Variants in PPM1D observed in about 807,000 individuals in gnomAD.
PPM1D encodes the protein protein phosphatase, Mg2+/Mn2+ dependent 1D.
Under a neutral mutation model 58.3 loss-of-function variants are expected in PPM1D, and 52 were observed. The ratio of observed to expected loss-of-function variants is 0.89; its 90% CI spans 0.71 to 1.12. PPM1D has a LOEUF of 1.12. Among genes scored for constraint, PPM1D ranks in the 50% most tolerant of loss-of-function variants. The probability of loss-of-function intolerance (pLI) is 0.00; values close to 1 mark genes in which losing one functional copy is unlikely to be tolerated. For synonymous variants in PPM1D, 278 were observed against 285.1 expected (o/e 0.98, Z 0.25); for missense variants, 564 against 777.2 (o/e 0.73, Z 3.26).
chr17:60,617,582 T>G (rs760479329), intron 1 of PPM1D, among the ~76,000 whole-genome samples: 8 of 151,256 alleles, frequency 5.3e-5, no homozygotes, highest in Non-Finnish European at 1.0e-4. Context: ...AGAAAGGGTT[T>G]TATCAAAAGC....
intron 1 of PPM1D, among the ~76,000 whole-genome samples, chr17:60,601,357 C>T (rs948242718): frequency 2.0e-5 from 3 of 152,136 alleles, no homozygotes; most frequent in Non-Finnish European, 4.4e-5. Flanking sequence ...CCAGATTGAC[C>T]CGGGATTGCT....
intron 3 of PPM1D, among the ~76,000 whole-genome samples, chr17:60,640,750 A>C (rs2031117745): frequency 6.6e-6 from 1 of 151,844 alleles, no homozygotes; most frequent in Non-Finnish European, 1.5e-5. Context: ...CTTCATGTGT[A>C]CTCAATGTTT....
chr17:60,611,004 C>G (rs1294447810), intron 1 of PPM1D, among the ~76,000 whole-genome samples: 1 of 152,210 alleles, frequency 6.6e-6, no homozygotes, highest in Non-Finnish European at 1.5e-5. Flanking sequence ...CCTGATTCCT[C>G]ATAAGATTGA....
intron 3 of PPM1D, among the ~76,000 whole-genome samples, chr17:60,647,157 G>A (rs1041094325): frequency 6.6e-6 from 1 of 152,144 alleles, no homozygotes; most frequent in Non-Finnish European, 1.5e-5. Flanking sequence ...CATTGACTTT[G>A]TAGATTATTT....
chr17:60,624,542 T>G (rs1230517297), intron 2 of PPM1D, among the ~76,000 whole-genome samples: 1 of 152,184 alleles, frequency 6.6e-6, no homozygotes, highest in East Asian at 1.9e-4. Context: ...ATCCCAGCAC[T>G]TTGGGAGGCT....
chr17:60,609,338 C>T (rs1265465475), intron 1 of PPM1D, among the ~76,000 whole-genome samples: 1 of 152,058 alleles, frequency 6.6e-6, no homozygotes, highest in African/African-American at 2.4e-5. Flanking sequence ...CGTGATCCAC[C>T]CGCCTTGGCC....
intron 3 of PPM1D, among the ~76,000 whole-genome samples, chr17:60,647,679 C>T (rs1178825782): frequency 6.6e-6 from 1 of 152,184 alleles, no homozygotes; most frequent in Non-Finnish European, 1.5e-5. Context: ...ATGATTATTA[C>T]AGAATTCTGG....
intron 2 of PPM1D, among the ~76,000 whole-genome samples, chr17:60,629,619 C>T (rs2030878150): frequency 6.6e-6 from 1 of 152,096 alleles, no homozygotes; most frequent in Admixed American, 6.6e-5. Context: ...ATATTTGGGT[C>T]TTTTCTGGGC....
At chr17:60,630,309 T>C (rs2030894904) in intron 2 of PPM1D, among the ~76,000 whole-genome samples, 1 of 152,182 alleles carries the variant, frequency 6.6e-6, no homozygotes, top group Admixed American at 6.5e-5. Flanking sequence ...GTTTTTTTAC[T>C]TGAATTTTAA....
chr17:60,612,578 G>A (rs1051329618), intron 1 of PPM1D, among the ~76,000 whole-genome samples: 4 of 152,078 alleles, frequency 2.6e-5, no homozygotes, highest in African/African-American at 9.7e-5. Flanking sequence ...GGGATTTGGT[G>A]GTTTACACAC....
chr17:60,662,992 C>T lies in PPM1D; in HGVS notation c.1261-3C>T, dbSNP rs576584061. On this transcript the variant is annotated splice_region_variant and splice_polypyrimidine_tract_variant and intron_variant, in intron 5 of 5. Transcript: ENST00000305921. The stretch of plus-strand genomic sequence containing the variant: ...TTATTTGTTTTACCTTCTTATTTTT[C>T]AGTCACTGGAGGAGGATCCATGGCC... The T allele has an allele frequency of 1.9e-6, 3 of 1,581,636 alleles. No individual in the cohort carries two copies. Among genetic ancestry groups the T allele is most frequent in the Non-Finnish European group, 2.6e-6 (3 of 1,165,942 alleles).
At chr17:60,622,189 C>CA (rs527824050) in intron 1 of PPM1D, among the ~76,000 whole-genome samples, 2,850 of 105,458 alleles carry the variant, frequency 0.027, 33 homozygotes, top group South Asian at 0.056. Context: ...GACTCTGTCT[C>CA]AAAAAAAAAA....
chr17:60,660,123 G>A (rs2031501861), intron 5 of PPM1D, among the ~76,000 whole-genome samples: 1 of 152,146 alleles, frequency 6.6e-6, no homozygotes, highest in Admixed American at 6.6e-5. Flanking sequence ...ATCACCCGAG[G>A]TCAGGAGTTT....
intron 5 of PPM1D, among the ~76,000 whole-genome samples, chr17:60,657,928 A>G (rs931815321): frequency 6.6e-6 from 1 of 152,084 alleles, no homozygotes; most frequent in African/African-American, 2.4e-5. Flanking sequence ...TTTAGTAGAG[A>G]TGGGGTTTCA....
chr17:60,600,490 C>T lies in PPM1D; in HGVS notation c.76C>T (p.Gln26Ter). The change falls in exon 1 of 6, where the codon CAA (glutamine) becomes TAA (stop). Residue 26 changes from glutamine to a stop codon, truncating the protein, a stop_gained. Transcript: ENST00000305921. LOFTEE classifies it high-confidence loss of function. Reference protein sequence around the residue: ...GGRKYMEDVTQIVVEPEPTAE... With the variant: ...GGRKYMEDVT ...GAGGAAGTACATGGAGGACGTTACTCAAATCGTTGTGGAGCCCGAACCGAC... is the reference window on the plus strand; with the variant it reads ...GAGGAAGTACATGGAGGACGTTACTTAAATCGTTGTGGAGCCCGAACCGAC... 1 of 1,573,630 alleles carries T rather than the reference C, an allele frequency of 6.4e-7. No homozygotes were observed. Among genetic ancestry groups the T allele is most frequent in the Non-Finnish European group, 8.6e-7 (1 of 1,159,882 alleles).
chr17:60,654,034 A>G (rs745402279), intron 4 of PPM1D, among the ~76,000 whole-genome samples: 4 of 151,938 alleles, frequency 2.6e-5, no homozygotes, highest in Non-Finnish European at 5.9e-5. Flanking sequence ...CTCTTGCCTA[A>G]TTGCTCTGGC....
chr17:60,630,017 C>G (rs1353985893), intron 2 of PPM1D, among the ~76,000 whole-genome samples: 1 of 151,738 alleles, frequency 6.6e-6, no homozygotes. Context: ...TCCAGCCTGC[C>G]CAACAAGAGT....
chr17:60,631,188 T>C (rs184127308), intron 2 of PPM1D, among the ~76,000 whole-genome samples: 1 of 151,470 alleles, frequency 6.6e-6, no homozygotes, highest in African/African-American at 2.4e-5. Flanking sequence ...ACAAAAAAAT[T>C]ACATGCCTTT....
At chr17:60,621,770 TC>T (rs1247982599) in intron 1 of PPM1D, among the ~76,000 whole-genome samples, 3 of 149,028 alleles carry the variant, frequency 2.0e-5, no homozygotes, top group African/African-American at 7.3e-5. Flanking sequence ...AAACGGGGTT[TC>T]ACCATAGTCA....
Sources: allele counts gnomAD v4.1 joint callset (sites outside exome capture counted in the v4.1 genomes callset), GRCh38; gene constraint gnomAD v4.1.1; transcripts MANE v1.5; gene names NCBI Gene and HGNC (gene_info 2026-07-23, HGNC 2026-07-21).